The following NHSL1 variants were observed in gnomAD, a reference collection of about 807,000 sequenced individuals.
NHSL1 encodes NHS-like protein 1.
A neutral mutation model predicts 95.0 loss-of-function variants in NHSL1; 48 were observed. The observed-to-expected ratio is 0.51, with a 90% CI of 0.40 to 0.64. The LOEUF (loss-of-function observed/expected upper bound fraction) is 0.64, where lower values mean the gene tolerates loss of function less well. NHSL1 is among the 30% of genes least tolerant of loss of function. NHSL1 has a pLI of 0.00. For synonymous variants in NHSL1, 783 were observed against 833.9 expected (o/e 0.94, Z 1.05); for missense variants, 1,971 against 2,077.7 (o/e 0.95, Z 1.00).
At chr6:138,670,508 T>C (rs1242802836) in intron 1 of NHSL1, among the ~76,000 whole-genome samples, 183 of 148,564 alleles carry the variant, frequency 1.2e-3, no homozygotes, top group African/African-American at 4.3e-3. Context: ...CTACTAAAAA[T>C]ACAAAAAATT....
At chr6:138,602,255 G>A (rs1481853972) in intron 1 of NHSL1, among the ~76,000 whole-genome samples, 2 of 152,120 alleles carry the variant, frequency 1.3e-5, no homozygotes, top group South Asian at 2.1e-4. Flanking sequence ...TCAGCATTTT[G>A]TAATTTTCAG....
In NHSL1 at chr6:138,499,444, A is replaced by G. The variant is rs532263638; in HGVS notation, c.-154T>C. The G allele has an allele frequency of 3.5e-6, 5 of 1,411,660 alleles. No homozygotes were observed. In the African/African-American group the frequency reaches 7.3e-5, roughly 20 times the overall value. 87.4% of individuals were successfully genotyped at this position (1,411,660 alleles called of 1,614,324 possible). ...ACATCTGCCCAGGCTGATGTAACTG[A>G]GGTTGAGTTTATTGTCAGGCAGTTA... is the stretch of plus-strand genomic sequence containing the variant. On this transcript the variant is annotated 5_prime_UTR_variant, in exon 1 of 8. Transcript: ENST00000343505.
At chr6:138,608,377 AAC>A (rs35184267) in intron 1 of NHSL1, among the ~76,000 whole-genome samples, 34,583 of 152,122 alleles carry the variant, frequency 0.23, 3,894 homozygotes, top group South Asian at 0.3. Context: ...GCAGAATTTT[AAC>A]AGTTGGCCTT....
chr6:138,453,693 C>G (rs1019339037), intron 3 of NHSL1, among the ~76,000 whole-genome samples: 1 of 151,398 alleles, frequency 6.6e-6, no homozygotes, highest in Non-Finnish European at 1.5e-5. Flanking sequence ...ATGACCGGCA[C>G]AAGCCACCAT....
At chr6:138,427,367 G>A (rs566357969) in intron 7 of NHSL1, among the ~76,000 whole-genome samples, 188 of 152,132 alleles carry the variant, frequency 1.2e-3, no homozygotes, top group Middle Eastern at 6.8e-3. Flanking sequence ...TCGAATCTGG[G>A]AGGCAGAGGT....
Position 138,499,251 on chromosome 6 carries a change from TA to T in NHSL1, c.39del (p.Lys14AsnfsTer11), listed in dbSNP as rs1562329693. 6.5e-7 allele frequency: 1 copy of T among 1,550,048 alleles called. No homozygotes were observed. Among genetic ancestry groups the T allele is most frequent in the Admixed American group, 2.0e-5 (1 of 50,978 alleles). ...VFINAKIKSL[I>X]KLFKKKTVSN... ...TACTTACTTTTCTTCTTAAAAAGTTTAATTAAAGACTTAATCTTTGCATTAA... is the reference window on the plus strand; with the variant it reads ...TACTTACTTTTCTTCTTAAAAAGTTTATTAAAGACTTAATCTTTGCATTAA... On this transcript the variant is annotated frameshift_variant, in exon 1 of 8. Coordinates refer to ENST00000343505, the MANE Select transcript of NHSL1 (RefSeq NM_001144060.2). LOFTEE classifies it high-confidence loss of function.
At chr6:138,570,268 G>A (rs1385223773) in intron 1 of NHSL1, among the ~76,000 whole-genome samples, 1 of 152,176 alleles carries the variant, frequency 6.6e-6, no homozygotes, top group Non-Finnish European at 1.5e-5. Flanking sequence ...AAAGCCCAAA[G>A]GAATCAAAAC....
chr6:138,492,292 C>T (rs1342260882), intron 2 of NHSL1, among the ~76,000 whole-genome samples: 2 of 152,170 alleles, frequency 1.3e-5, no homozygotes, highest in African/African-American at 4.8e-5. Context: ...TGAGCCCTCT[C>T]TCCCTGTGTG....
intron 1 of NHSL1, among the ~76,000 whole-genome samples, chr6:138,578,028 GC>G (rs1460984028): frequency 6.6e-6 from 1 of 152,116 alleles, no homozygotes; most frequent in East Asian, 1.9e-4. Flanking sequence ...ATCAGCGCCG[GC>G]CCCGTTTTCA....
chr6:138,499,369 CCTT>C lies in NHSL1; in HGVS notation c.-82_-80del. The C allele has an allele frequency of 6.5e-7, 1 of 1,530,536 alleles. No homozygotes were observed. The highest frequency in any genetic ancestry group is 2.1e-5 in the Admixed American group (1 of 48,056). The allele number at this position is 1,530,536 out of a possible 1,614,324, so 94.8% of individuals were successfully genotyped here. A position where few individuals can be genotyped will look rare whatever the true frequency, so the allele number is the denominator to read the frequency against. ...CCAGTAGGCAGGTGGCAAGCTTCGT[CCTT>C]CTGCTACAGATTCTAACTTTTTCTT... On this transcript the variant is annotated 5_prime_UTR_variant, in exon 1 of 8. Transcript: ENST00000343505.
Position 138,424,679 on chromosome 6 carries a change from C to T in NHSL1, c.4223G>A (p.Ser1408Asn). Residue 1408 changes from serine to asparagine, a missense_variant, in exon 8 of 8, where the codon AGC (serine) becomes AAC (asparagine). Coordinates refer to ENST00000343505, the MANE Select transcript of NHSL1 (RefSeq NM_001144060.2). The surrounding 1 kb of genome is among the most constrained non-coding windows in gnomAD (Gnocchi z 5.9). The stretch of plus-strand genomic sequence containing the variant: ...ACTGCTGGTGCTGCTCTTTCGGATG[C>T]TTCTCTGAATCGACCCCACTTGCTT... The part of the protein sequence containing the change: ...SPKQVGSIQR[S>N]IRKSSTSSDN... The T allele has an allele frequency of 2.6e-6, 4 of 1,551,602 alleles. No homozygotes were observed. In the South Asian group the frequency reaches 4.8e-5, roughly 18 times the overall value.
chr6:138,616,685 C>T (rs1784583623), intron 1 of NHSL1, among the ~76,000 whole-genome samples: 1 of 152,192 alleles, frequency 6.6e-6, no homozygotes, highest in South Asian at 2.1e-4. Flanking sequence ...GCCCACCTGA[C>T]AACACCTGAA....
At chr6:138,638,877 C>G (rs1160136248) in intron 1 of NHSL1, among the ~76,000 whole-genome samples, 1 of 152,180 alleles carries the variant, frequency 6.6e-6, no homozygotes, top group Non-Finnish European at 1.5e-5. Context: ...TCACTATTTT[C>G]AAGAAAACAT....
intron 1 of NHSL1, among the ~76,000 whole-genome samples, chr6:138,641,392 A>C (rs1310407556): frequency 1.3e-5 from 2 of 152,224 alleles, no homozygotes; most frequent in Admixed American, 1.3e-4. Flanking sequence ...TGTAAGAGGA[A>C]AGAATGGCAC....
At chr6:138,483,314 T>C (rs1779535904) in intron 2 of NHSL1, among the ~76,000 whole-genome samples, 1 of 151,946 alleles carries the variant, frequency 6.6e-6, no homozygotes, top group Non-Finnish European at 1.5e-5. Context: ...ATGTCACAAA[T>C]GATCCACACT....
intron 1 of NHSL1, among the ~76,000 whole-genome samples, chr6:138,595,061 C>T (rs550256761): frequency 9.1e-4 from 139 of 152,322 alleles, no homozygotes; most frequent in South Asian, 3.1e-3. Flanking sequence ...CAGAGATTCC[C>T]ACTATGCTGA....
chr6:138,689,458 T>C (rs1210985359), intron 1 of NHSL1, among the ~76,000 whole-genome samples: 1 of 152,230 alleles, frequency 6.6e-6, no homozygotes. Flanking sequence ...GCAAACTTGA[T>C]GAAATACCTC....
intron 1 of NHSL1, among the ~76,000 whole-genome samples, chr6:138,635,896 T>C (rs1784881003): frequency 1.3e-5 from 2 of 150,094 alleles, no homozygotes; most frequent in East Asian, 3.9e-4. Context: ...AGCAGATCAC[T>C]TGAGATCAGG....
chr6:138,444,973 T>C (rs1776767821), intron 4 of NHSL1, among the ~76,000 whole-genome samples: 1 of 152,240 alleles, frequency 6.6e-6, no homozygotes, highest in Admixed American at 6.5e-5. Flanking sequence ...TAACTCATAC[T>C]GCTCTTTCTT....
Sources: gnomAD v4.1 joint callset for allele counts (sites outside exome capture counted in the v4.1 genomes callset) on GRCh38, gnomAD v4.1.1 for gene constraint, Gnocchi (gnomAD v3.1) non-coding constraint, MANE v1.5 for transcripts, NCBI Gene and HGNC (gene_info 2026-07-23, HGNC 2026-07-21) for gene names.